The following ERG variants were observed in gnomAD, a reference collection of about 807,000 sequenced individuals.
ERG encodes the protein transcriptional regulator ERG.
In ERG, 9 loss-of-function variants were observed where a neutral mutation model predicts 55.3. That is an observed-to-expected ratio of 0.16 (90% CI 0.10 to 0.28). The LOEUF is 0.28. Ranked by LOEUF, ERG falls within the 10% of genes least tolerant of loss-of-function variation. ERG has a pLI of 1.00. For synonymous variants in ERG, 223 were observed against 237.3 expected (o/e 0.94, Z 0.55); for missense variants, 434 against 631.6 (o/e 0.69, Z 3.35).
At chr21:38,498,612 T>C (rs2059398544), upstream of ERG, 1 of 827,366 alleles carries the variant, frequency 1.2e-6, no homozygotes, top group African/African-American at 1.8e-5. This position sits in a 1 kb window ranked among gnomAD's most constrained non-coding sequence, Gnocchi z 4.6. Flanking sequence ...ATGTTGTTTT[T>C]CTTGATGATA....
chr21:38,549,129 CAACAAAACAA>C (rs757019363), intron 2 of ERG, among the ~76,000 whole-genome samples: 5 of 151,860 alleles, frequency 3.3e-5, no homozygotes, highest in East Asian at 1.9e-4. Context: ...CAAAACAAAA[CAACAAAACAA>C]AACAAAACAA....
At position 38,605,857 on chromosome 21, in the gene ERG, A is replaced by G. The variant is rs1315577394; in HGVS notation, c.-149-20912T>C. 3.3e-5 allele frequency among the ~76,000 whole-genome samples: 5 copies of G among 152,350 alleles called. No homozygotes were observed. In the East Asian group the frequency reaches 9.6e-4, roughly 29 times the overall value. On this transcript the variant is annotated intron_variant, in intron 1 of 10. Coordinates refer to the ERG transcript ENST00000398910. ...ATAGATAGATGATAGAAAGATAGAT[A>G]GATAATAGCTAGATAGATAAATGAT...
chr21:38,485,621 G>A (rs549008893), intron 1 of ERG, among the ~76,000 whole-genome samples: 1 of 151,764 alleles, frequency 6.6e-6, no homozygotes, highest in Non-Finnish European at 1.5e-5. Context: ...CACCATGCCC[G>A]GCTAATTTTT....
In ERG at chr21:38,475,937, C is replaced by T. The variant is rs2059183214; in HGVS notation, c.18+22426G>A. Among the ~76,000 whole-genome samples the T allele has an allele frequency of 2.0e-5, 3 of 152,190 alleles. No individual in the cohort carries two copies. The South Asian group carries it at 6.2e-4, about 31-fold the overall frequency. On this transcript the variant is annotated intron_variant, in intron 1 of 9. Transcript: ENST00000288319. ...ATCCCAAAGGGATAAAAAGACATTG[C>T]CTTTCTGCCATTTCTTGGAAGAATT...
In ERG at chr21:38,429,679, GTA is replaced by G. The variant is rs1238491835; in HGVS notation, c.237-6120_237-6119del. ...CATATATACATATATGTGTATATATGTATATATGTGTGTATACATGTATATGT... is the reference window on the plus strand; with the variant it reads ...CATATATACATATATGTGTATATATGTATATGTGTGTATACATGTATATGT... On this transcript the variant is annotated intron_variant, in intron 2 of 9. Coordinates refer to ENST00000288319, the MANE Select transcript of ERG (RefSeq NM_182918.4). 3.5e-5 allele frequency among the ~76,000 whole-genome samples: 5 copies of G among 143,326 alleles called. 1 individual carries two copies. In the East Asian group the frequency reaches 6.0e-4, roughly 17 times the overall value. The allele number at this position is 143,326 out of a possible 152,430, so 94.0% of individuals were successfully genotyped here. A position where few individuals can be genotyped will look rare whatever the true frequency, so the allele number is the denominator to read the frequency against.
intron 1 of ERG, among the ~76,000 whole-genome samples, chr21:38,644,037 G>C (rs916852106): frequency 1.3e-5 from 2 of 152,154 alleles, no homozygotes; most frequent in Non-Finnish European, 2.9e-5. Flanking sequence ...ACAAACTTTA[G>C]TGGAGTTGGC....
chr21:38,589,193 G>A (rs976001965), upstream of ERG, among the ~76,000 whole-genome samples: 1 of 152,148 alleles, frequency 6.6e-6, no homozygotes, highest in Non-Finnish European at 1.5e-5. Context: ...CTCCAGAAAA[G>A]CTACCCTCAC....
intron 2 of ERG, chr21:38,575,572 C>T: frequency 1.1e-6 from 1 of 912,922 alleles, no homozygotes; most frequent in East Asian, 2.4e-5. Context: ...TGTTGACTGA[C>T]CCCTAATTAA....
chr21:38,482,427 T>G lies in ERG; in HGVS notation c.18+15936A>C, dbSNP rs1022563403. Among the ~76,000 whole-genome samples, 3 of 152,202 alleles carry G rather than the reference T, an allele frequency of 2.0e-5. 1 individual carries two copies. Among genetic ancestry groups the G allele is most frequent in the Admixed American group, 2.0e-4 (3 of 15,282 alleles). On this transcript the variant is annotated intron_variant, in intron 1 of 9. Transcript: ENST00000288319. ...GCAGACTGTTGGTGGGAACATGGAA[T>G]GTTGCAGACACTGTGGAAAAAAGTA... is the stretch of plus-strand genomic sequence containing the variant.
chr21:38,544,765 C>T (rs1233327979), intron 2 of ERG, among the ~76,000 whole-genome samples: 3 of 152,104 alleles, frequency 2.0e-5, no homozygotes, highest in African/African-American at 7.2e-5. Context: ...TAACCACAGC[C>T]TTCTCTCCTT....
chr21:38,633,799 A>G (rs2060371486), intron 1 of ERG, among the ~76,000 whole-genome samples: 1 of 151,978 alleles, frequency 6.6e-6, no homozygotes, highest in South Asian at 2.1e-4. Context: ...TGAAGTGCCG[A>G]ATTATTTCAT....
intron 1 of ERG, among the ~76,000 whole-genome samples, chr21:38,489,768 T>A (rs1051735940): frequency 6.6e-6 from 1 of 152,232 alleles, no homozygotes; most frequent in Non-Finnish European, 1.5e-5. Flanking sequence ...CTTGCAAACC[T>A]GCACCGTCCC....
At chr21:38,405,792 C>A (rs1312184075) in intron 3 of ERG, among the ~76,000 whole-genome samples, 1 of 152,076 alleles carries the variant, frequency 6.6e-6, no homozygotes. Flanking sequence ...AGGGCACATC[C>A]ATCTTCAACT....
At chr21:38,469,137 G>T (rs1383054405) in intron 1 of ERG, among the ~76,000 whole-genome samples, 3 of 151,636 alleles carry the variant, frequency 2.0e-5, no homozygotes, top group Non-Finnish European at 2.9e-5. Flanking sequence ...TTATAGAAGG[G>T]CTTCTAAGAA....
At chr21:38,496,209 A>G (rs192068895) in intron 1 of ERG, among the ~76,000 whole-genome samples, 2 of 152,290 alleles carry the variant, frequency 1.3e-5, no homozygotes, top group Admixed American at 1.3e-4. Flanking sequence ...AAAAAATAAA[A>G]ACTCCACTCA....
At position 38,381,407 on chromosome 21, in the gene ERG, A is replaced by G; in HGVS notation, c.*1996T>C. ...AAACTGACTCTAGATTATGGAAATA[A>G]ACATTGTCTTCAAGGGATAGCCAGC... On this transcript the variant is annotated 3_prime_UTR_variant, in exon 10 of 10. Transcript: ENST00000288319. 1 of 1,063,178 alleles carries G rather than the reference A, an allele frequency of 9.4e-7. No individual in the cohort carries two copies. The highest frequency in any genetic ancestry group is 1.1e-6 in the Non-Finnish European group (1 of 877,984). 65.9% of individuals were successfully genotyped at this position (1,063,178 alleles called of 1,614,324 possible).
chr21:38,390,856 T>C (rs1285025167), intron 9 of ERG, 139 bp downstream of exon 9: 4 of 690,024 alleles, frequency 5.8e-6, no homozygotes, highest in Non-Finnish European at 1.0e-5. Flanking sequence ...CATCTTTCCA[T>C]TAAGGCAAAT....
chr21:38,495,797 C>A (rs767069192), intron 1 of ERG, among the ~76,000 whole-genome samples: 4 of 152,104 alleles, frequency 2.6e-5, no homozygotes, highest in African/African-American at 9.7e-5. Context: ...GAAGCACAAT[C>A]GAGTTTTCAG....
At chr21:38,436,833 C>T (rs934120170) in intron 2 of ERG, among the ~76,000 whole-genome samples, 1 of 151,888 alleles carries the variant, frequency 6.6e-6, no homozygotes, top group Non-Finnish European at 1.5e-5. Context: ...CTTATGATCT[C>T]ACAGAATCTT....
Sources: allele counts gnomAD v4.1 joint callset (sites outside exome capture counted in the v4.1 genomes callset), GRCh38; gene constraint gnomAD v4.1.1; non-coding constraint Gnocchi (gnomAD v3.1); transcripts MANE v1.5; gene names NCBI Gene and HGNC (gene_info 2026-07-23, HGNC 2026-07-21).